MGAT4C: variants seen among roughly 807,000 people sequenced by gnomAD.
MGAT4C encodes MGAT4 family member C, also known as alpha-1,3-mannosyl-glycoprotein 4-beta-N-acetylglucosaminyltransferase C.
MGAT4C carries 19 observed loss-of-function variants against 40.1 expected under a neutral mutation model. That is an observed-to-expected ratio of 0.47 (90% CI 0.33 to 0.70). The LOEUF (loss-of-function observed/expected upper bound fraction) is 0.70. Ranked by LOEUF, MGAT4C falls within the 30% of genes least tolerant of loss-of-function variation. The probability of loss-of-function intolerance (pLI) is 0.02; values close to 1 mark genes in which losing one functional copy is unlikely to be tolerated. For missense variants in MGAT4C, 491 were observed against 563.2 expected (o/e 0.87, Z 1.30); for synonymous variants, 181 against 187.1 (o/e 0.97, Z 0.27).
Position 86,086,208 on chromosome 12 carries a change from C to T in MGAT4C, c.-56-36485G>A, listed in dbSNP as rs138922997. On this transcript the variant is annotated intron_variant, in intron 1 of 4. Coordinates refer to ENST00000611864, the MANE Select transcript of MGAT4C (RefSeq NM_001351288.2). Reference sequence around the variant, plus strand: ...ATATACACCACGGAATACTATGCAGCCATAAAAAGAATGAGTTCATGTCTT... The same window carrying T: ...ATATACACCACGGAATACTATGCAGTCATAAAAAGAATGAGTTCATGTCTT... 0.022 allele frequency among the ~76,000 whole-genome samples: 3,276 copies of T among 152,086 alleles called. 258 individuals carry two copies. The East Asian group carries it at 0.27, about 12-fold the overall frequency.
At position 86,640,842 on chromosome 12, in the gene MGAT4C, G is replaced by A. The variant is rs573395951; in HGVS notation, c.-229+86367C>T. Among the ~76,000 whole-genome samples the A allele has an allele frequency of 5.6e-3, 855 of 151,908 alleles. 4 individuals carry two copies. Among genetic ancestry groups the A allele is most frequent in the Non-Finnish European group, 9.0e-3 (612 of 67,912 alleles). Reference sequence around the variant, plus strand: ...GGTTTCAAAGAACACCTTTATTTCTGCCTTCATTTCGTTATGTACCCAGTA... The same window carrying A: ...GGTTTCAAAGAACACCTTTATTTCTACCTTCATTTCGTTATGTACCCAGTA... On this transcript the variant is annotated intron_variant, in intron 2 of 7. Coordinates refer to the MGAT4C transcript ENST00000548651.
At chr12:86,707,266 C>T (rs2136625354) in intron 2 of MGAT4C, among the ~76,000 whole-genome samples, 1 of 152,214 alleles carries the variant, frequency 6.6e-6, no homozygotes, top group South Asian at 2.1e-4. Flanking sequence ...CAGAAGAAGA[C>T]AGGAAAATGT....
rs368717724 is a variant in MGAT4C, at chr12:86,230,032, C to T, written c.-57+26207G>A. Among the ~76,000 whole-genome samples the T allele has an allele frequency of 1.1e-4, 17 of 152,110 alleles. No homozygotes were observed. The East Asian group carries it at 2.5e-3, about 22-fold the overall frequency. The stretch of plus-strand genomic sequence containing the variant: ...TAACTAATCAGAATCTGAAATACTG[C>T]GATTGCTCCCCAGTAGAATGCAAGG... On this transcript the variant is annotated intron_variant, in intron 1 of 4. Transcript: ENST00000611864.
chr12:86,488,038 T>C (rs1247062014), intron 2 of MGAT4C, among the ~76,000 whole-genome samples: 2 of 152,106 alleles, frequency 1.3e-5, no homozygotes, highest in East Asian at 1.9e-4. Context: ...TTAAGAAAGG[T>C]AGCATTAGCT....
intron 2 of MGAT4C, among the ~76,000 whole-genome samples, chr12:85,995,042 T>C (rs1886452913): frequency 6.6e-6 from 1 of 152,222 alleles, no homozygotes; most frequent in Non-Finnish European, 1.5e-5. Flanking sequence ...ACTGAAAGTA[T>C]TAACATTTTT....
At chr12:86,655,650 C>T (rs1302445956) in intron 2 of MGAT4C, among the ~76,000 whole-genome samples, 1 of 152,092 alleles carries the variant, frequency 6.6e-6, no homozygotes. Context: ...ATGTATGGCT[C>T]AGTTCATCCT....
At chr12:86,177,287 T>G (rs1378585673) in intron 1 of MGAT4C, among the ~76,000 whole-genome samples, 1 of 152,170 alleles carries the variant, frequency 6.6e-6, no homozygotes, top group East Asian at 1.9e-4. Flanking sequence ...TCTGATGGCA[T>G]TACCTTCCCT....
intron 1 of MGAT4C, among the ~76,000 whole-genome samples, chr12:86,105,072 T>C (rs1350928890): frequency 6.6e-6 from 1 of 152,168 alleles, no homozygotes; most frequent in Non-Finnish European, 1.5e-5. Flanking sequence ...AAAATTTATA[T>C]GTAAAGGCAG....
chr12:86,656,403 C>T (rs1253133728), intron 2 of MGAT4C, among the ~76,000 whole-genome samples: 1 of 152,014 alleles, frequency 6.6e-6, no homozygotes, highest in Non-Finnish European at 1.5e-5. Flanking sequence ...GGTAAATCAG[C>T]TTGTCAACAA....
intron 2 of MGAT4C, among the ~76,000 whole-genome samples, chr12:86,572,026 T>G (rs1960389355): frequency 6.6e-6 from 1 of 152,156 alleles, no homozygotes; most frequent in Admixed American, 6.6e-5. Context: ...TGGTAGTTTA[T>G]GATGGCATTT....
intron 2 of MGAT4C, among the ~76,000 whole-genome samples, chr12:86,649,250 A>G (rs768962069): frequency 1.3e-5 from 2 of 151,728 alleles, no homozygotes; most frequent in Non-Finnish European, 2.9e-5. Flanking sequence ...AGGGAATTTC[A>G]TTATTATAAT....
intron 2 of MGAT4C, among the ~76,000 whole-genome samples, chr12:86,042,352 T>G (rs1052625081): frequency 6.6e-6 from 1 of 152,208 alleles, no homozygotes; most frequent in Non-Finnish European, 1.5e-5. Context: ...CCTGTCATTG[T>G]GTTGTTAGCT....
intron 4 of MGAT4C, among the ~76,000 whole-genome samples, chr12:86,292,783 G>A (rs1433469115): frequency 6.6e-6 from 1 of 151,540 alleles, no homozygotes; most frequent in African/African-American, 2.4e-5. Context: ...AAATAAAATC[G>A]CTGTTGTGAG....
intron 1 of MGAT4C, among the ~76,000 whole-genome samples, chr12:86,835,368 T>G (rs566972520): frequency 1.4e-4 from 21 of 152,116 alleles, no homozygotes; most frequent in African/African-American, 4.8e-4. Context: ...TGTTTAGCAT[T>G]TTTTCAAAGC....
intron 1 of MGAT4C, among the ~76,000 whole-genome samples, chr12:86,827,038 A>G (rs368822598): frequency 1.3e-5 from 2 of 151,630 alleles, no homozygotes; most frequent in East Asian, 3.9e-4. Flanking sequence ...TCATATATTA[A>G]TAGACACACA....
intron 2 of MGAT4C, among the ~76,000 whole-genome samples, chr12:86,635,956 A>G (rs1963207790): frequency 6.6e-6 from 1 of 151,886 alleles, no homozygotes; most frequent in Admixed American, 6.6e-5. Flanking sequence ...TGCTGAGATT[A>G]CAGGAGTGAG....
At chr12:86,408,465 CTCTCTCTCTCTCTCTATATA>C in intron 3 of MGAT4C, among the ~76,000 whole-genome samples, 1 of 106,678 alleles carries the variant, frequency 9.4e-6, no homozygotes, top group African/African-American at 4.0e-5. Flanking sequence ...CTCTCTCTCT[CTCTCTCTCTCTCTCTATATA>C]TATATATATA....
chr12:86,696,814 C>T (rs1950268242), intron 2 of MGAT4C, among the ~76,000 whole-genome samples: 1 of 151,794 alleles, frequency 6.6e-6, no homozygotes, highest in Admixed American at 6.6e-5. Flanking sequence ...TATGAGCCCA[C>T]TAAACAAAAA....
chr12:85,958,028 TAA>T lies in MGAT4C; in HGVS notation c.*21259_*21260del, dbSNP rs1882899946. ...AAGACTGAATTGTTTACAGTTTTTC[TAA>T]GTGTTTTTGTGTGTGTGTGTGTGTG... On this transcript the variant is annotated 3_prime_UTR_variant, in exon 5 of 5. Transcript: ENST00000611864. 7.9e-6 allele frequency: 1 copy of T among 126,376 alleles called. No individual in the cohort carries two copies. Among genetic ancestry groups the T allele is most frequent in the Non-Finnish European group, 1.8e-5 (1 of 54,542 alleles). 7.8% of individuals were successfully genotyped at this position (126,376 alleles called of 1,614,324 possible).
Sources: allele counts gnomAD v4.1 joint callset (sites outside exome capture counted in the v4.1 genomes callset), GRCh38; gene constraint gnomAD v4.1.1; transcripts MANE v1.5; gene names NCBI Gene and HGNC (gene_info 2026-07-23, HGNC 2026-07-21).